Variants in EPYC observed in about 807,000 individuals in gnomAD.
The protein encoded by EPYC is epiphycan.
EPYC carries 28 observed loss-of-function variants against 30.1 expected under a neutral mutation model. The observed-to-expected ratio is 0.93, with a 90% CI of 0.69 to 1.28. EPYC has a LOEUF of 1.28. Ranked by LOEUF, EPYC falls within the 50% of genes most tolerant of loss-of-function variation. The probability of loss-of-function intolerance (pLI) is 0.00; values close to 1 mark genes in which losing one functional copy is unlikely to be tolerated. For missense variants in EPYC, 382 were observed against 383.5 expected, an observed-to-expected ratio of 1.00 and a Z score of 0.03; for synonymous variants, 144 against 141.4, an observed-to-expected ratio of 1.02 and a Z score of -0.13.
intron 2 of EPYC, among the ~76,000 whole-genome samples, chr12:90,980,121 C>A (rs1877291093): frequency 6.6e-6 from 1 of 152,004 alleles, no homozygotes; most frequent in Non-Finnish European, 1.5e-5. Flanking sequence ...AAAGGAGGCT[C>A]CAGGAAGAGC....
chr12:90,990,141 T>C (rs1286286265), intron 2 of EPYC, among the ~76,000 whole-genome samples: 1 of 152,042 alleles, frequency 6.6e-6, no homozygotes, highest in East Asian at 1.9e-4. Flanking sequence ...ATTTGGAACC[T>C]TCAAAACTCT....
intron 4 of EPYC, 122 bp downstream of exon 4, chr12:90,972,700 A>T: frequency 1.1e-6 from 1 of 878,734 alleles, no homozygotes; most frequent in South Asian, 2.6e-5. Context: ...ATAACAAAAA[A>T]CTATTGATTC....
At chr12:90,974,038 T>TCACACACACACACACACACA (rs560408641) in intron 3 of EPYC, among the ~76,000 whole-genome samples, 1 of 140,366 alleles carries the variant, frequency 7.1e-6, no homozygotes, top group Non-Finnish European at 1.5e-5. Flanking sequence ...TTACACACAC[T>TCACACACACACACACACACA]CACACACACA....
chr12:90,965,092 C>T (rs1412033593), intron 6 of EPYC, among the ~76,000 whole-genome samples: 2 of 152,072 alleles, frequency 1.3e-5, no homozygotes, highest in Non-Finnish European at 2.9e-5. Context: ...GGACATTTCA[C>T]GTAAGTAGAA....
intron 2 of EPYC, among the ~76,000 whole-genome samples, chr12:90,999,803 G>GT (rs138029180): frequency 0.025 from 3,835 of 151,500 alleles, 169 homozygotes; most frequent in African/African-American, 0.087. Context: ...ATTGTGTGCT[G>GT]TTTTTTTTGC....
intron 2 of EPYC, among the ~76,000 whole-genome samples, chr12:90,982,335 C>G (rs1877342813): frequency 6.6e-6 from 1 of 152,024 alleles, no homozygotes; most frequent in Non-Finnish European, 1.5e-5. Context: ...TTAAAGTATA[C>G]AGTCCAATGT....
intron 3 of EPYC, among the ~76,000 whole-genome samples, chr12:90,976,804 T>C (rs1223756483): frequency 6.6e-6 from 1 of 152,118 alleles, no homozygotes; most frequent in Non-Finnish European, 1.5e-5. Flanking sequence ...GCTTCCCTCA[T>C]ACTGTTCTCA....
At position 90,978,199 on chromosome 12, in the gene EPYC, C is replaced by G. The variant is rs773271763; in HGVS notation, c.229G>C (p.Glu77Gln). The change falls in exon 3 of 7, where the codon GAG becomes CAG. Residue 77 changes from glutamate to glutamine, a missense_variant. By Grantham distance (29) the Glu-to-Gln change is conservative. Transcript: ENST00000261172. ...TCCTCTTCCTCTTCCTGGGCCTTCT[C>G]AGGCTGTGGGGGTGGAGTGAGGAGC... Reference protein sequence around the residue: ...RELLTPPPQPEKAQEEEEEEE... With the variant: ...RELLTPPPQPQKAQEEEEEEE... 9 of 1,605,396 alleles carry G rather than the reference C, an allele frequency of 5.6e-6. No individual in the cohort carries two copies. The highest frequency in any genetic ancestry group is 7.6e-6 in the Non-Finnish European group (9 of 1,176,554).
chr12:91,001,074 C>T (rs1222608577), intron 2 of EPYC, among the ~76,000 whole-genome samples: 3 of 151,504 alleles, frequency 2.0e-5, no homozygotes, highest in Non-Finnish European at 4.4e-5. Flanking sequence ...AGAGCCTAAA[C>T]TTTACTAAAG....
intron 3 of EPYC, among the ~76,000 whole-genome samples, chr12:90,973,425 A>G (rs1032048115): frequency 1.3e-5 from 2 of 152,220 alleles, no homozygotes; most frequent in Non-Finnish European, 2.9e-5. Context: ...AAATGGCACC[A>G]TGGTAGCTGG....
At chr12:90,991,867 T>G (rs1238637955) in intron 2 of EPYC, among the ~76,000 whole-genome samples, 1 of 152,150 alleles carries the variant, frequency 6.6e-6, no homozygotes, top group East Asian at 1.9e-4. Context: ...CAGACTCGGA[T>G]GTAGGAGACA....
rs752656353 is a variant in EPYC at position 90,978,128 on chromosome 12, C to G, written c.300G>C (p.Glu100Asp). 3.7e-6 allele frequency: 6 copies of G among 1,600,988 alleles called. No homozygotes were observed. In the African/African-American group the frequency reaches 6.8e-5, roughly 18 times the overall value. Reference protein sequence around the residue: ...PRLIDGSSPQEPEFTGVLGPH... With the variant: ...PRLIDGSSPQDPEFTGVLGPH... ...GCCCCAGAACCCCTGTGAATTCAGG[C>G]TCCTGGGGAGAAGAGCCATCAATCA... The change falls in exon 3 of 7, where the codon GAG becomes GAC. Residue 100 changes from glutamate to aspartate, a missense_variant. Coordinates refer to ENST00000261172, the MANE Select transcript of EPYC (RefSeq NM_004950.5).
intron 2 of EPYC, among the ~76,000 whole-genome samples, chr12:90,995,526 A>G (rs1877676029): frequency 6.6e-6 from 1 of 151,836 alleles, no homozygotes; most frequent in African/African-American, 2.4e-5. Context: ...ACTGGATTAA[A>G]TTTTACTCAG....
At chr12:90,975,942 T>C (rs1366291344) in intron 3 of EPYC, among the ~76,000 whole-genome samples, 1 of 152,124 alleles carries the variant, frequency 6.6e-6, no homozygotes, top group Admixed American at 6.6e-5. Context: ...ATCACCTCTG[T>C]GTTACTGGAC....
At position 90,975,650 on chromosome 12, in the gene EPYC, G is replaced by A. The variant is rs140648875; in HGVS notation, c.340+2438C>T. ...GGATTGGGCATTCTGCTTTTCTGTT[G>A]TTTCTGGCTAAGCTGAGAGATCCAA... On this transcript the variant is annotated intron_variant, in intron 3 of 6. Coordinates refer to ENST00000261172, the MANE Select transcript of EPYC (RefSeq NM_004950.5). 3.9e-5 allele frequency among the ~76,000 whole-genome samples: 6 copies of A among 152,152 alleles called. No homozygotes were observed. In the East Asian group the frequency reaches 1.2e-3, roughly 29 times the overall value.
intron 2 of EPYC, among the ~76,000 whole-genome samples, chr12:90,985,209 A>G (rs912794775): frequency 2.0e-5 from 3 of 151,788 alleles, no homozygotes; most frequent in African/African-American, 7.2e-5. Context: ...TAAAAAGACT[A>G]AGGAGAATTA....
At chr12:90,984,438 A>G (rs1440439559) in intron 2 of EPYC, among the ~76,000 whole-genome samples, 1 of 152,116 alleles carries the variant, frequency 6.6e-6, no homozygotes, top group African/African-American at 2.4e-5. Context: ...ATTGAGACCA[A>G]TTTGACCCAC....
chr12:90,990,256 G>T (rs1877550752), intron 2 of EPYC, among the ~76,000 whole-genome samples: 1 of 151,904 alleles, frequency 6.6e-6, no homozygotes, highest in Non-Finnish European at 1.5e-5. Context: ...CTTTATTGAG[G>T]CATAAATCCA....
Position 90,964,046 on chromosome 12 carries a change from T to G in EPYC, c.*110A>C. ...TTTAATTGTATTTTATGTAGTCATA[T>G]CATCTCTCAGAACACAATCTCAAAG... On this transcript the variant is annotated 3_prime_UTR_variant, in exon 7 of 7. Transcript: ENST00000261172. 1.2e-6 allele frequency: 1 copy of G among 815,438 alleles called. No individual in the cohort carries two copies. Among genetic ancestry groups the G allele is most frequent in the Non-Finnish European group, 1.9e-6 (1 of 528,268 alleles). The allele number at this position is 815,438 out of a possible 1,614,324, so 50.5% of individuals were successfully genotyped here. A position where few individuals can be genotyped will look rare whatever the true frequency, so the allele number is the denominator to read the frequency against.
Sources: allele counts gnomAD v4.1 joint callset (sites outside exome capture counted in the v4.1 genomes callset), GRCh38; gene constraint gnomAD v4.1.1; transcripts MANE v1.5; gene names NCBI Gene and HGNC (gene_info 2026-07-23, HGNC 2026-07-21).